TMEM164: variants seen among roughly 807,000 people sequenced by gnomAD.
TMEM164 encodes the protein transmembrane protein 164, also known as RP13-360B22.2.
TMEM164 carries 4 observed loss-of-function variants against 18.8 expected under a neutral mutation model. The ratio of observed to expected loss-of-function variants is 0.21; its 90% confidence interval spans 0.10 to 0.49. The LOEUF (loss-of-function observed/expected upper bound fraction) is 0.49, where lower values mean the gene tolerates loss of function less well. TMEM164 is among the 20% of genes least tolerant of loss of function. The pLI is 0.98. For synonymous variants in TMEM164, 86 were observed against 101.7 expected, an observed-to-expected ratio of 0.85 and a Z score of 0.93; for missense variants, 108 against 239.9, an observed-to-expected ratio of 0.45 and a Z score of 3.63.
chrX:110,041,827 G>A (rs1206369602), intron 2 of TMEM164, among the ~76,000 whole-genome samples: 3 of 111,103 alleles, frequency 2.7e-5, no homozygotes, highest in Admixed American at 9.6e-5. Flanking sequence ...TTTGACAAAT[G>A]CATACAGTTC....
rs1181801815 is a variant in TMEM164 at position 110,131,674 on chromosome X, C to T, written c.508-13124C>T. ...TTGACTTGCAGCTGCCCTGGTTCCT[C>T]GGTAGGCTTTTGAACCATCTCTTTG... On this transcript the variant is annotated intron_variant, in intron 4 of 6. Coordinates refer to ENST00000372068, the MANE Select transcript of TMEM164 (RefSeq NM_032227.4). 6.3e-5 allele frequency among the ~76,000 whole-genome samples: 7 copies of T among 111,554 alleles called. 1 individual carries two copies. The highest frequency in any genetic ancestry group is 3.8e-4 in the Admixed American group (4 of 10,540).
intron 4 of TMEM164, among the ~76,000 whole-genome samples, chrX:110,127,108 C>G (rs1484282558): frequency 9.0e-6 from 1 of 111,027 alleles, no homozygotes; most frequent in East Asian, 2.8e-4. Flanking sequence ...AATGGCAGCT[C>G]TCCATATGGA....
chrX:110,019,819 C>T (rs1259127552), intron 2 of TMEM164, among the ~76,000 whole-genome samples: 1 of 112,015 alleles, frequency 8.9e-6, no homozygotes, highest in East Asian at 2.8e-4. Context: ...TCTTAATCTC[C>T]TTATGATAGG....
chrX:110,091,097 C>T (rs950597404), intron 3 of TMEM164, among the ~76,000 whole-genome samples: 1 of 111,597 alleles, frequency 9.0e-6, no homozygotes, highest in Non-Finnish European at 1.9e-5. Context: ...TTTCTTAATC[C>T]AGTCTATCAT....
At chrX:110,167,108 T>G (rs1464530467) in intron 5 of TMEM164, among the ~76,000 whole-genome samples, 1 of 112,358 alleles carries the variant, frequency 8.9e-6, no homozygotes, top group Non-Finnish European at 1.9e-5. Context: ...CCCATCATCT[T>G]CTAGTCTTTT....
Position 110,176,432 on chromosome X carries a change from C to G in TMEM164, c.*2981C>G, listed in dbSNP as rs185609590. ...AGGGTTCTGAAGCCACAGACTCAGT[C>G]TCCCCAAGTCAGCAATCTCTTTCTC... On this transcript the variant is annotated 3_prime_UTR_variant, in exon 7 of 7. Transcript: ENST00000372068. 42 of 753,454 alleles carry G rather than the reference C, an allele frequency of 5.6e-5. No individual in the cohort carries two copies. The African/African-American group carries it at 9.5e-4, about 17-fold the overall frequency. The allele number at this position is 753,454 out of a possible 1,213,427, so 62.1% of individuals were successfully genotyped here.
At chrX:110,138,367 TA>T (rs2066720100) in intron 4 of TMEM164, among the ~76,000 whole-genome samples, 1 of 112,136 alleles carries the variant, frequency 8.9e-6, no homozygotes, top group African/African-American at 3.2e-5. Flanking sequence ...GTATAGAGAA[TA>T]AATGATGGAG....
chrX:110,052,850 A>C (rs1935629247), intron 2 of TMEM164, among the ~76,000 whole-genome samples: 1 of 103,458 alleles, frequency 9.7e-6, no homozygotes, highest in Non-Finnish European at 1.9e-5. Context: ...TTCCAGGTTC[A>C]AGCGATTCTC....
At chrX:110,171,970 G>A (rs1372707429) in intron 6 of TMEM164, among the ~76,000 whole-genome samples, 2 of 112,350 alleles carry the variant, frequency 1.8e-5, no homozygotes, top group Admixed American at 9.4e-5. Flanking sequence ...GGGAAATCCT[G>A]TGGCATTCTG....
chrX:110,075,547 G>A (rs1255369232), intron 3 of TMEM164, among the ~76,000 whole-genome samples: 5 of 111,537 alleles, frequency 4.5e-5, no homozygotes, highest in African/African-American at 1.6e-4. Flanking sequence ...GTTCTCAAGG[G>A]GAATGCTTCC....
intron 3 of TMEM164, among the ~76,000 whole-genome samples, chrX:110,094,057 T>C (rs1464476990): frequency 9.0e-6 from 1 of 111,672 alleles, no homozygotes; most frequent in African/African-American, 3.3e-5. Flanking sequence ...AGAGACAGTT[T>C]GTTATAATTT....
At chrX:110,068,331 G>A (rs1333409824) in intron 3 of TMEM164, among the ~76,000 whole-genome samples, 1 of 112,296 alleles carries the variant, frequency 8.9e-6, no homozygotes, top group Non-Finnish European at 1.9e-5. Context: ...GAGGGATAAT[G>A]GATCCTGATT....
At chrX:110,147,734 T>C (rs908552592) in intron 5 of TMEM164, among the ~76,000 whole-genome samples, 15 of 111,016 alleles carry the variant, frequency 1.4e-4, no homozygotes, top group African/African-American at 4.9e-4. Flanking sequence ...AGACTTCTTG[T>C]AAGGACCACC....
chrX:110,019,209 T>C (rs1216102499), intron 2 of TMEM164, among the ~76,000 whole-genome samples: 1 of 111,406 alleles, frequency 9.0e-6, no homozygotes, highest in Non-Finnish European at 1.9e-5. Context: ...AGTACTCTTA[T>C]CTTATTTAAC....
intron 2 of TMEM164, among the ~76,000 whole-genome samples, chrX:110,033,505 G>A (rs1356788785): frequency 8.9e-6 from 1 of 111,955 alleles, no homozygotes; most frequent in Non-Finnish European, 1.9e-5. Flanking sequence ...TGTATGAACT[G>A]GTTATTTGTA....
chrX:110,031,154 T>C (rs1219963999), intron 2 of TMEM164, among the ~76,000 whole-genome samples: 1 of 111,520 alleles, frequency 9.0e-6, no homozygotes, highest in Non-Finnish European at 1.9e-5. Flanking sequence ...GAACATGAGG[T>C]GTTCGGTTTT....
At chrX:110,104,743 A>T (rs2066161448) in intron 3 of TMEM164, among the ~76,000 whole-genome samples, 1 of 111,964 alleles carries the variant, frequency 8.9e-6, no homozygotes, top group Non-Finnish European at 1.9e-5. Context: ...TACATATAAC[A>T]TACAAAATTT....
Position 110,025,912 on chromosome X carries a change from A to G in TMEM164, c.390+21748A>G, listed in dbSNP as rs575947526. On this transcript the variant is annotated intron_variant, in intron 2 of 6. Transcript: ENST00000372068. The stretch of plus-strand genomic sequence containing the variant: ...AGATCTGAGCTCAAAGCTAATTTCT[A>G]TTACTCATGAGCTGTGTGCCTTTAG... Among the ~76,000 whole-genome samples the G allele has an allele frequency of 6.2e-5, 7 of 112,257 alleles. No individual in the cohort carries two copies. In the South Asian group the frequency reaches 2.6e-3, roughly 41 times the overall value.
rs192106580 is a variant in TMEM164 at position 110,064,643 on chromosome X, C to T, written c.391-2704C>T. Among the ~76,000 whole-genome samples, 393 of 109,986 alleles carry T rather than the reference C, an allele frequency of 3.6e-3. 1 individual carries two copies. Among genetic ancestry groups the T allele is most frequent in the African/African-American group, 0.011 (345 of 30,210 alleles). On this transcript the variant is annotated intron_variant, in intron 2 of 6. Transcript: ENST00000372068. ...GAATGTAATGTAATAAATAATCTTT[C>T]AATCAGATACATTTAGTTATATCAA...
Sources: allele counts gnomAD v4.1 joint callset (sites outside exome capture counted in the v4.1 genomes callset), GRCh38; gene constraint gnomAD v4.1.1; transcripts MANE v1.5; gene names NCBI Gene and HGNC (gene_info 2026-07-23, HGNC 2026-07-21).